FLG: variants seen among roughly 807,000 people sequenced by gnomAD.
FLG encodes the protein epidermal filaggrin.
Under a neutral mutation model 3.8 loss-of-function variants are expected in FLG, and 6 were observed. That is an observed-to-expected ratio of 1.60 (90% CI 0.87 to 3.15). FLG has a LOEUF of 3.15. Among genes scored for constraint, FLG ranks in the 30% most tolerant of loss-of-function variants. FLG has a pLI of 0.00. For synonymous variants in FLG, 2,551 were observed against 1,931.6 expected (o/e 1.32, Z -8.41); for missense variants, 7,595 against 5,050.9 (o/e 1.50, Z -15.27).
In FLG at chr1:152,307,108, C is replaced by T; in HGVS notation, c.7778G>A (p.Gly2593Glu). 1 of 1,611,294 alleles carries T rather than the reference C, an allele frequency of 6.2e-7. No homozygotes were observed. The highest frequency in any genetic ancestry group is 8.5e-7 in the Non-Finnish European group (1 of 1,179,808). ...WSGSASRNHH[G>E]SAQEQLRDGS... ...ATCTCTTAGCTGCTCCTGAGCAGAT[C>T]CATGATGGTTTCTGGAAGCAGACCC... Residue 2593 changes from glycine to glutamate, a missense_variant, in exon 3 of 3, where the codon GGA becomes GAA. By Grantham distance (98) the Gly-to-Glu change is moderately conservative. Transcript: ENST00000368799.
rs1652619039 is a variant in FLG at position 152,313,648 on chromosome 1, C to G, written c.1238G>C (p.Gly413Ala). ...GQASSAVSDR[G>A]HRGSSGSQAS... ...CTGACTACCGCTAGACCCCCGGTGTCCACGATCGCTGACTGCAGATGAAGC... is the reference window on the plus strand; with the variant it reads ...CTGACTACCGCTAGACCCCCGGTGTGCACGATCGCTGACTGCAGATGAAGC... The change falls in exon 3 of 3, where the codon GGA becomes GCA. Residue 413 changes from glycine to alanine, a missense_variant. Coordinates refer to ENST00000368799, the MANE Select transcript of FLG (RefSeq NM_002016.2). 5 of 1,613,778 alleles carry G rather than the reference C, an allele frequency of 3.1e-6. No individual in the cohort carries two copies. Among genetic ancestry groups the G allele is most frequent in the Non-Finnish European group, 4.2e-6 (5 of 1,179,964 alleles).
Position 152,303,355 on chromosome 1 carries a change from T to G in FLG, c.11531A>C (p.Gln3844Pro). 6.2e-7 allele frequency: 1 copy of G among 1,614,076 alleles called. No homozygotes were observed. The change falls in exon 3 of 3, where the codon CAG becomes CCG. Residue 3844 changes from glutamine (Q) to proline (P), a missense_variant. By Grantham distance (76) the Gln-to-Pro change is moderately conservative. Transcript: ENST00000368799. ...STQADSSRHS[Q>P]SGQGESAGSR... Reference sequence around the variant, plus strand: ...CCCCGCTGATTCACCCTGGCCGGACTGTGAGTGTCTAGAGCTGTCAGCCTG... The same window carrying G: ...CCCCGCTGATTCACCCTGGCCGGACGGTGAGTGTCTAGAGCTGTCAGCCTG...
rs527527354 is a variant in FLG, at chr1:152,313,455, C to G, written c.1431G>C (p.Gln477His). ...CGGTCCGTCCATGGGCAGAGTCAGG[C>G]TGTTCATGAGTGCTCACCTGGTAGA... is the stretch of plus-strand genomic sequence containing the variant. ...SSLYQVSTHEQPDSAHGRTGT... is the reference protein window; with the variant it reads ...SSLYQVSTHEHPDSAHGRTGT... The change falls in exon 3 of 3, where the codon CAG (glutamine) becomes CAC (histidine). Residue 477 changes from glutamine to histidine, a missense_variant. Physicochemically the swap from Gln to His is conservative, Grantham distance 24. Transcript: ENST00000368799. 12 of 1,613,824 alleles carry G rather than the reference C, an allele frequency of 7.4e-6. No homozygotes were observed. Among genetic ancestry groups the G allele is most frequent in the Middle Eastern group, 1.6e-4 (1 of 6,082 alleles).
At position 152,313,327 on chromosome 1, in the gene FLG, G is replaced by A. The variant is rs143647987; in HGVS notation, c.1559C>T (p.Pro520Leu). The A allele has an allele frequency of 1.3e-5, 21 of 1,613,430 alleles. No homozygotes were observed. In the African/African-American group the frequency reaches 2.5e-4, roughly 20 times the overall value. Reference sequence around the variant, plus strand: ...CTGCCTTCCTCCTCTGCTTGACCCCGGGTGTCCACGAATGGTGTCCTGACC... The same window carrying A: ...CTGCCTTCCTCCTCTGCTTGACCCCAGGTGTCCACGAATGGTGTCCTGACC... The part of the protein sequence containing the change: ...QEGQDTIRGH[P>L]GSSRGGRQGS... The change falls in exon 3 of 3, where the codon CCG becomes CTG. Residue 520 changes from proline (P) to leucine (L), a missense_variant. Pro to Leu is a moderately conservative substitution (Grantham distance 98). Coordinates refer to ENST00000368799, the MANE Select transcript of FLG (RefSeq NM_002016.2).
At position 152,310,115 on chromosome 1, in the gene FLG, C is replaced by G. The variant is rs374002730; in HGVS notation, c.4771G>C (p.Gly1591Arg). 3 of 1,613,978 alleles carry G rather than the reference C, an allele frequency of 1.9e-6. No homozygotes were observed. The African/African-American group carries it at 4.0e-5, about 22-fold the overall frequency. ...SAGSKTSRRQGSSVSQDRDSE... is the reference protein window; with the variant it reads ...SAGSKTSRRQRSSVSQDRDSE... Reference sequence around the variant, plus strand: ...TCCCTGTCCTGACTAACACTGGATCCCTGGCGCCTGCTTGTCTTGGACCCC... The same window carrying G: ...TCCCTGTCCTGACTAACACTGGATCGCTGGCGCCTGCTTGTCTTGGACCCC... The change falls in exon 3 of 3, where the codon GGA (glycine) becomes CGA (arginine). Residue 1591 changes from glycine (G) to arginine (R), a missense_variant. Physicochemically the swap from Gly to Arg is moderately radical, Grantham distance 125. Coordinates refer to ENST00000368799, the MANE Select transcript of FLG (RefSeq NM_002016.2).
At position 152,314,753 on chromosome 1, in the gene FLG, C is replaced by G; in HGVS notation, c.139-6G>C. 4 of 1,613,830 alleles carry G rather than the reference C, an allele frequency of 2.5e-6. No individual in the cohort carries two copies. Among genetic ancestry groups the G allele is most frequent in the Middle Eastern group, 1.7e-4 (1 of 6,060 alleles). On this transcript the variant is annotated splice_region_variant and splice_polypyrimidine_tract_variant and intron_variant, in intron 2 of 2. Coordinates refer to ENST00000368799, the MANE Select transcript of FLG (RefSeq NM_002016.2). The stretch of plus-strand genomic sequence containing the variant: ...ATATCTGGGTCATCTGGATTCTGTA[C>G]AGAGGGAAGTCACAGAGGGAGACTG...
chr1:152,309,617 C>T lies in FLG; in HGVS notation c.5269G>A (p.Glu1757Lys), dbSNP rs1652245899. 2.5e-6 allele frequency: 4 copies of T among 1,613,820 alleles called. No individual in the cohort carries two copies. Among genetic ancestry groups the T allele is most frequent in the South Asian group, 2.2e-5 (2 of 91,052 alleles). ...HQESTRGQSGERSGRSGSFLY... is the reference protein window; with the variant it reads ...HQESTRGQSGKRSGRSGSFLY... The stretch of plus-strand genomic sequence containing the variant: ...AAAGACCCTGAACGTCCAGACCTTT[C>T]CCCTGACTGGCCACGTGTGGACTCT... The change falls in exon 3 of 3, where the codon GAA becomes AAA. Residue 1757 changes from glutamate (E) to lysine (K), a missense_variant. Glu to Lys is a moderately conservative substitution (Grantham distance 56). Coordinates refer to ENST00000368799, the MANE Select transcript of FLG (RefSeq NM_002016.2).
chr1:152,312,987 G>T lies in FLG; in HGVS notation c.1899C>A (p.Asp633Glu). The T allele has an allele frequency of 6.2e-7, 1 of 1,614,006 alleles. No homozygotes were observed. The highest frequency in any genetic ancestry group is 8.5e-7 in the Non-Finnish European group (1 of 1,180,016). The stretch of plus-strand genomic sequence containing the variant: ...AAGCAGACCCAGACCACCTCTCAGA[G>T]TCTTCTGAGTGTCCCTGACTGTCAC... ...QDSDSQGHSE[D>E]SERWSGSASR... The change falls in exon 3 of 3, where the codon GAC becomes GAA. Residue 633 changes from aspartate (D) to glutamate (E), a missense_variant. Physicochemically the swap from Asp to Glu is conservative, Grantham distance 45. Transcript: ENST00000368799.
Position 152,321,751 on chromosome 1 carries a change from A to G in FLG, c.-22+3438T>C, listed in dbSNP as rs553669020. 1.2e-4 allele frequency among the ~76,000 whole-genome samples: 18 copies of G among 151,308 alleles called. No individual in the cohort carries two copies. The South Asian group carries it at 3.5e-3, about 30-fold the overall frequency. On this transcript the variant is annotated intron_variant, in intron 1 of 2. Transcript: ENST00000368799. ...TTCAAAGTGAAAGAAAGAAATAACTATAACATCACATAGATTATTTCAGAG... is the reference window on the plus strand; with the variant it reads ...TTCAAAGTGAAAGAAAGAAATAACTGTAACATCACATAGATTATTTCAGAG...
rs918420067 is a variant in FLG at position 152,305,057 on chromosome 1, G to T, written c.9829C>A (p.Arg3277Ser). The change falls in exon 3 of 3, where the codon CGT becomes AGT. Residue 3277 changes from arginine (R) to serine (S), a missense_variant. Transcript: ENST00000368799. ...SADRSRQSGT[R>S]HAETSSGGQA... ...CCACCAGAGGAAGTCTCTGCGTGAC[G>T]AGTGCCTGATTGTCTGGAGCGGTCT... is the stretch of plus-strand genomic sequence containing the variant. 15 of 1,613,840 alleles carry T rather than the reference G, an allele frequency of 9.3e-6. No homozygotes were observed. The South Asian group carries it at 1.3e-4, about 14-fold the overall frequency.
intron 1 of FLG, among the ~76,000 whole-genome samples, chr1:152,323,320 A>C (rs561766685): frequency 1.3e-5 from 2 of 151,872 alleles, no homozygotes. Context: ...AAAAGTAGGA[A>C]TGTTTATTCT....
rs567795279 is a variant in FLG, at chr1:152,307,049, T to A, written c.7837A>T (p.Arg2613Ter). 203 of 1,607,114 alleles carry A rather than the reference T, an allele frequency of 1.3e-4. No homozygotes were observed. Among genetic ancestry groups the A allele is most frequent in the South Asian group, 8.7e-4 (79 of 90,682 alleles). The part of the protein sequence containing the change: ...SRHPRSHQED[R>*]AGHGHSADSS... Reference sequence around the variant, plus strand: ...TCTGCAGAGTGCCCATGACCAGCTCTGTCTTCTTGATGGGACCTGGGGTGT... The same window carrying A: ...TCTGCAGAGTGCCCATGACCAGCTCAGTCTTCTTGATGGGACCTGGGGTGT... Residue 2613 changes from arginine to a stop codon, truncating the protein, a stop_gained, in exon 3 of 3, where the codon AGA becomes TGA. Transcript: ENST00000368799. LOFTEE classifies it low-confidence loss of function (END_TRUNC).
In FLG at chr1:152,308,483, G is replaced by A; in HGVS notation, c.6403C>T (p.Gln2135Ter). 1 of 1,613,812 alleles carries A rather than the reference G, an allele frequency of 6.2e-7. No homozygotes were observed. Among genetic ancestry groups the A allele is most frequent in the Non-Finnish European group, 8.5e-7 (1 of 1,179,890 alleles). Residue 2135 changes from glutamine to a stop codon, truncating the protein, a stop_gained, in exon 3 of 3, where the codon CAG (glutamine) becomes TAG (stop). Transcript: ENST00000368799. LOFTEE classifies it low-confidence loss of function (END_TRUNC). ...SSRHSASQEG[Q>*]DTIRGHPGPS... ...CCCGGGTGTCCACGAATGGTGTCCT[G>A]ACCCTCTTGGGATGCTGAGTGCCTG...
chr1:152,309,881 A>T lies in FLG; in HGVS notation c.5005T>A (p.Ser1669Thr). The T allele has an allele frequency of 6.2e-7, 1 of 1,613,728 alleles. No homozygotes were observed. The highest frequency in any genetic ancestry group is 8.5e-7 in the Non-Finnish European group (1 of 1,179,952). ...GGACTTGACCTTGCCTGTTCCTGGG[A>T]TGATGCAGCCTGTCCACCAGAGGAA... Reference protein sequence around the residue: ...ETSSGGQAASSQEQARSSPGE... With the variant: ...ETSSGGQAASTQEQARSSPGE... The change falls in exon 3 of 3, where the codon TCC (serine) becomes ACC (threonine). Residue 1669 changes from serine to threonine, a missense_variant. By Grantham distance (58) the Ser-to-Thr change is moderately conservative. Transcript: ENST00000368799.
rs1437940877 is a variant in FLG at position 152,308,707 on chromosome 1, G to T, written c.6179C>A (p.Ser2060Ter). The T allele has an allele frequency of 1.2e-6, 2 of 1,614,000 alleles. No homozygotes were observed. Among genetic ancestry groups the T allele is most frequent in the South Asian group, 1.1e-5 (1 of 91,078 alleles). The change falls in exon 3 of 3, where the codon TCA becomes TAA. Residue 2060 changes from serine (S) to a stop codon, truncating the protein, a stop_gained. Transcript: ENST00000368799. LOFTEE classifies it low-confidence loss of function (END_TRUNC). ...ATGGGGCCCAGCTTTTCCCTGTGCT[G>T]ACACTGACTGTGTGTCTGAGTCTTC... is the stretch of plus-strand genomic sequence containing the variant. ...HSEDSDTQSVSAQGKAGPHQQ... is the reference protein window; with the variant it reads ...HSEDSDTQSV
In FLG at chr1:152,303,330, C is replaced by T; in HGVS notation, c.11556G>A (p.Gly3852=). ...ATCCCTGGCGCCTGCTTCTCCTGGA[C>T]CCCGCTGATTCACCCTGGCCGGACT... is the stretch of plus-strand genomic sequence containing the variant. ...HSQSGQGESA[G]SRRSRRQGSS... The change falls in exon 3 of 3, where the codon GGG becomes GGA. Residue 3852 remains glycine, a synonymous_variant. Coordinates refer to ENST00000368799, the MANE Select transcript of FLG (RefSeq NM_002016.2). 6.2e-7 allele frequency: 1 copy of T among 1,614,118 alleles called. No individual in the cohort carries two copies. The highest frequency in any genetic ancestry group is 8.5e-7 in the Non-Finnish European group (1 of 1,180,018).
In FLG at chr1:152,309,122, T is replaced by G. The variant is rs1223869771; in HGVS notation, c.5764A>C (p.Ser1922Arg). 6.2e-7 allele frequency: 1 copy of G among 1,613,838 alleles called. No individual in the cohort carries two copies. ...RNQGSSVSQDSDSQGHSEDSE... is the reference protein window; with the variant it reads ...RNQGSSVSQDRDSQGHSEDSE... ...TCTTCTGAGTGTCCCTGACTGTCACTGTCCTGGCTAACACTGGATCCCTGG... is the reference window on the plus strand; with the variant it reads ...TCTTCTGAGTGTCCCTGACTGTCACGGTCCTGGCTAACACTGGATCCCTGG... Residue 1922 changes from serine to arginine, a missense_variant, in exon 3 of 3, where the codon AGT becomes CGT. Coordinates refer to ENST00000368799, the MANE Select transcript of FLG (RefSeq NM_002016.2).
At position 152,308,927 on chromosome 1, in the gene FLG, G is replaced by C. The variant is rs759362184; in HGVS notation, c.5959C>G (p.Arg1987Gly). 1.1e-5 allele frequency: 18 copies of C among 1,613,974 alleles called. No individual in the cohort carries two copies. The highest frequency in any genetic ancestry group is 1.6e-4 in the Middle Eastern group (1 of 6,084). Residue 1987 changes from arginine (R) to glycine (G), a missense_variant, in exon 3 of 3, where the codon CGT becomes GGT. Transcript: ENST00000368799. ...TCATGGGATGACGCAGCCTGTCCAC[G>C]AGAGGAAGACTCTGTGTGACGAGTG... ...SGTRHTESSS[R>G]GQAASSHEQA...
At chr1:152,315,033 C>A (rs1452017867) in intron 2 of FLG, 1 of 413,076 alleles carries the variant, frequency 2.4e-6, no homozygotes, top group East Asian at 4.1e-5. Flanking sequence ...AACAAAAATC[C>A]CCTTAGTAAT....
Sources: allele counts gnomAD v4.1 joint callset (sites outside exome capture counted in the v4.1 genomes callset), GRCh38; gene constraint gnomAD v4.1.1; transcripts MANE v1.5; gene names NCBI Gene and HGNC (gene_info 2026-07-23, HGNC 2026-07-21).